Variants in ARB2A observed in about 807,000 individuals in gnomAD.
ARB2A encodes the protein cotranscriptional regulator ARB2A.
chr5:94,023,709 A>G, the ARB2A span, among the ~76,000 whole-genome samples: 1 of 152,204 alleles, frequency 6.6e-6, no homozygotes, highest in African/African-American at 2.4e-5. Context: ...CATCTACTAC[A>G]AAGGATATCA....
chr5:93,789,360 A>T, the ARB2A span, among the ~76,000 whole-genome samples: 1 of 152,218 alleles, frequency 6.6e-6, no homozygotes. Flanking sequence ...TCCGGTTAAT[A>T]GCAGAGTTGA....
At chr5:93,632,608 TGGCTGGTATGTAGAGAATGAG>T in the ARB2A span, among the ~76,000 whole-genome samples, 1 of 152,194 alleles carries the variant, frequency 6.6e-6, no homozygotes, top group Non-Finnish European at 1.5e-5. Context: ...AAGAGTACAC[TGGCTGGTATGTAGAGAATGAG>T]TTATGGGGAG....
At chr5:93,919,773 A>G in the ARB2A span, among the ~76,000 whole-genome samples, 1 of 152,172 alleles carries the variant, frequency 6.6e-6, no homozygotes, top group Admixed American at 6.5e-5. Flanking sequence ...TACTATAAGC[A>G]AGTGGGAGGG....
chr5:94,073,231 A>G, the ARB2A span, among the ~76,000 whole-genome samples: 1 of 152,084 alleles, frequency 6.6e-6, no homozygotes, highest in Non-Finnish European at 1.5e-5. Context: ...ATACTTTACT[A>G]TGCATTTGCC....
the ARB2A span, among the ~76,000 whole-genome samples, chr5:94,042,815 T>C: frequency 6.6e-6 from 1 of 152,160 alleles, no homozygotes; most frequent in Non-Finnish European, 1.5e-5. Flanking sequence ...TGTCAAATGG[T>C]GTTTAACTTT....
chr5:93,804,046 T>C, the ARB2A span, among the ~76,000 whole-genome samples: 1 of 152,022 alleles, frequency 6.6e-6, no homozygotes, highest in Non-Finnish European at 1.5e-5. Flanking sequence ...TACCCATAAA[T>C]ACATTTGATT....
the ARB2A span, among the ~76,000 whole-genome samples, chr5:93,760,249 C>T: frequency 2.0e-5 from 3 of 152,092 alleles, no homozygotes; most frequent in Non-Finnish European, 2.9e-5. Flanking sequence ...AGAAATCATA[C>T]GTGACAGAAA....
the ARB2A span, among the ~76,000 whole-genome samples, chr5:94,064,649 C>T: frequency 6.6e-6 from 1 of 152,202 alleles, no homozygotes; most frequent in Non-Finnish European, 1.5e-5. Flanking sequence ...CATTGCTCAA[C>T]AGAACCTTAC....
the ARB2A span, among the ~76,000 whole-genome samples, chr5:94,039,058 C>A: frequency 6.6e-6 from 1 of 152,074 alleles, no homozygotes; most frequent in Admixed American, 6.5e-5. Context: ...GTTAATGAAA[C>A]TAACATAAAG....
chr5:94,108,962 A>G, the ARB2A span, among the ~76,000 whole-genome samples: 1 of 152,360 alleles, frequency 6.6e-6, no homozygotes, highest in African/African-American at 2.4e-5. Context: ...AGTTGAACAG[A>G]TATTTGCACT....
the ARB2A span, among the ~76,000 whole-genome samples, chr5:93,702,393 C>T: frequency 5.3e-5 from 8 of 152,270 alleles, no homozygotes; most frequent in South Asian, 2.1e-4. Flanking sequence ...TACTCTCTCA[C>T]CACTTAGCCT....
At chr5:94,048,616 A>T in the ARB2A span, among the ~76,000 whole-genome samples, 1 of 152,142 alleles carries the variant, frequency 6.6e-6, no homozygotes, top group East Asian at 1.9e-4. Context: ...TTGCTCCTCA[A>T]ATCCCAAAGA....
At chr5:94,011,326 A>T in the ARB2A span, among the ~76,000 whole-genome samples, 3 of 151,994 alleles carry the variant, frequency 2.0e-5, no homozygotes, top group East Asian at 5.8e-4. Flanking sequence ...AATGGCTTTA[A>T]TTTTTTCCAA....
the ARB2A span, among the ~76,000 whole-genome samples, chr5:93,962,679 G>A: frequency 1.3e-5 from 2 of 152,060 alleles, no homozygotes; most frequent in East Asian, 3.9e-4. Context: ...TAGTTGTGAA[G>A]AGAAGTTTCA....
At chr5:93,767,799 C>T in the ARB2A span, among the ~76,000 whole-genome samples, 76 of 151,714 alleles carry the variant, frequency 5.0e-4, 1 homozygote, top group African/African-American at 1.8e-3. Flanking sequence ...TGGAGACCAT[C>T]CTGGCTAACA....
At chr5:93,681,964 A>T in the ARB2A span, among the ~76,000 whole-genome samples, 1 of 152,220 alleles carries the variant, frequency 6.6e-6, no homozygotes, top group African/African-American at 2.4e-5. Context: ...TTTCTGACAT[A>T]TCCTAAATGT....
the ARB2A span, among the ~76,000 whole-genome samples, chr5:93,868,281 C>T: frequency 6.6e-6 from 1 of 152,190 alleles, no homozygotes; most frequent in African/African-American, 2.4e-5. Context: ...GATCATGCCA[C>T]TGCACTCCAG....
the ARB2A span, among the ~76,000 whole-genome samples, chr5:93,813,444 A>C: frequency 7.9e-5 from 12 of 152,208 alleles, no homozygotes; most frequent in African/African-American, 2.7e-4. Context: ...ATTATTAAGA[A>C]AAAAGGATAG....
At chr5:94,001,485 T>C in the ARB2A span, among the ~76,000 whole-genome samples, 2 of 152,088 alleles carry the variant, frequency 1.3e-5, no homozygotes, top group African/African-American at 2.4e-5. Context: ...CCATGGTCCT[T>C]AGAAATGCTG....
Sources: gnomAD v4.1 joint callset for allele counts (sites outside exome capture counted in the v4.1 genomes callset) on GRCh38, gnomAD v4.1.1 for gene constraint, MANE v1.5 for transcripts, NCBI Gene and HGNC (gene_info 2026-07-23, HGNC 2026-07-21) for gene names.